Variants in SLC25A16 observed in about 807,000 individuals in gnomAD.
SLC25A16 encodes the protein mitochondrial coenzyme A transporter SLC25A16.
A neutral mutation model predicts 41.5 loss-of-function variants in SLC25A16; 39 were observed. The ratio of observed to expected loss-of-function variants is 0.94; its 90% CI spans 0.73 to 1.23. The LOEUF is 1.23. Among genes scored for constraint, SLC25A16 ranks in the 50% most tolerant of loss-of-function variants. SLC25A16 has a pLI of 0.00. For synonymous variants in SLC25A16, 146 were observed against 147.8 expected (o/e 0.99, Z 0.09); for missense variants, 421 against 426.9 (o/e 0.99, Z 0.12).
Position 68,522,734 on chromosome 10 carries a change from G to C in SLC25A16, c.130+4512C>G, listed in dbSNP as rs528768786. 2.7e-5 allele frequency among the ~76,000 whole-genome samples: 4 copies of C among 148,410 alleles called. No individual in the cohort carries two copies. In the South Asian group the frequency reaches 8.7e-4, roughly 32 times the overall value. ...GGAGGCTGAGGCAGGAGAATCACTT[G>C]AACCTGGGAGCTGGAGGTTGTAGTG... On this transcript the variant is annotated intron_variant, in intron 1 of 8. Transcript: ENST00000609923.
chr10:68,492,358 T>A (rs1323625062), intron 6 of SLC25A16, among the ~76,000 whole-genome samples: 1 of 152,174 alleles, frequency 6.6e-6, no homozygotes, highest in African/African-American at 2.4e-5. Flanking sequence ...TGCCCAATTC[T>A]AGAATTGCAA....
chr10:68,509,749 A>ATC (rs2053026199), intron 2 of SLC25A16, among the ~76,000 whole-genome samples: 2 of 136,636 alleles, frequency 1.5e-5, no homozygotes, highest in African/African-American at 2.7e-5. Flanking sequence ...ATATCTATAT[A>ATC]TATAGATATA....
At chr10:68,509,522 C>G (rs1199073768) in intron 2 of SLC25A16, among the ~76,000 whole-genome samples, 2 of 151,720 alleles carry the variant, frequency 1.3e-5, no homozygotes, top group African/African-American at 4.8e-5. Context: ...TGACACCAAC[C>G]AAGACAACAT....
intron 8 of SLC25A16, among the ~76,000 whole-genome samples, chr10:68,485,498 C>T (rs1234461663): frequency 2.0e-5 from 3 of 152,090 alleles, no homozygotes; most frequent in Non-Finnish European, 4.4e-5. Context: ...AATTCCCTGC[C>T]TCAGCCTCCT....
At chr10:68,515,801 AAAATAAAT>A (rs56896620) in intron 2 of SLC25A16, among the ~76,000 whole-genome samples, 35 of 151,662 alleles carry the variant, frequency 2.3e-4, no homozygotes, top group African/African-American at 7.5e-4. Flanking sequence ...TCTGCCTCAA[AAAATAAAT>A]AAATAAATAA....
chr10:68,520,414 G>A (rs1358481886), intron 1 of SLC25A16, among the ~76,000 whole-genome samples: 1 of 152,114 alleles, frequency 6.6e-6, no homozygotes, highest in African/African-American at 2.4e-5. Flanking sequence ...AATGGCTCAT[G>A]CCTATAATCC....
Position 68,502,705 on chromosome 10 carries a change from T to C in SLC25A16, c.421+927A>G, listed in dbSNP as rs1371927738. Reference sequence around the variant, plus strand: ...TGTGATCACGCCACTGCACTCCAAGTCTGGGAGACAGACCCAGACCCTGTC... The same window carrying C: ...TGTGATCACGCCACTGCACTCCAAGCCTGGGAGACAGACCCAGACCCTGTC... On this transcript the variant is annotated intron_variant, in intron 4 of 8. Coordinates refer to ENST00000609923, the MANE Select transcript of SLC25A16 (RefSeq NM_152707.4). 3.0e-5 allele frequency among the ~76,000 whole-genome samples: 4 copies of C among 135,364 alleles called. No homozygotes were observed. The East Asian group carries it at 8.7e-4, about 29-fold the overall frequency. 88.8% of individuals were successfully genotyped at this position (135,364 alleles called of 152,430 possible). A position where few individuals can be genotyped will look rare whatever the true frequency, so the allele number is the denominator to read the frequency against.
Position 68,486,993 on chromosome 10 carries a change from G to A in SLC25A16, c.842+151C>T, listed in dbSNP as rs142310806. On this transcript the variant is annotated intron_variant, in intron 8 of 8. Transcript: ENST00000609923. ...AAAAAAAAAAAAAAAGAACCTGATT[G>A]CCTGATTGTAATCTTATAAAGTTAC... 535 of 378,134 alleles carry A rather than the reference G, an allele frequency of 1.4e-3. 4 individuals carry two copies. Among genetic ancestry groups the A allele is most frequent in the African/African-American group, 0.011 (489 of 44,230 alleles). The allele number at this position is 378,134 out of a possible 1,614,324, so 23.4% of individuals were successfully genotyped here.
At chr10:68,490,838 C>T (rs550185831) in intron 6 of SLC25A16, among the ~76,000 whole-genome samples, 2 of 151,998 alleles carry the variant, frequency 1.3e-5, no homozygotes, top group African/African-American at 2.4e-5. Flanking sequence ...TTGATGCATT[C>T]GACTACCTTA....
intron 1 of SLC25A16, among the ~76,000 whole-genome samples, chr10:68,525,008 C>T (rs1243587541): frequency 6.6e-6 from 1 of 151,994 alleles, no homozygotes; most frequent in African/African-American, 2.4e-5. Context: ...GATCACGCCA[C>T]TGCACTCCTG....
chr10:68,518,912 G>A (rs1249803553), intron 1 of SLC25A16, among the ~76,000 whole-genome samples: 2 of 152,010 alleles, frequency 1.3e-5, no homozygotes, highest in Non-Finnish European at 2.9e-5. Flanking sequence ...ATAATAGTTG[G>A]CCAGGTATGG....
chr10:68,488,307 A>G (rs1003257361), intron 7 of SLC25A16, among the ~76,000 whole-genome samples, 160 bp downstream of exon 7: 2 of 151,922 alleles, frequency 1.3e-5, no homozygotes, highest in African/African-American at 4.8e-5. Flanking sequence ...ATATGCTTAA[A>G]GTGCACACAC....
intron 6 of SLC25A16, 36 bp from the exon 7 acceptor site, chr10:68,488,665 A>T: frequency 1.3e-6 from 2 of 1,528,422 alleles, no homozygotes; most frequent in Non-Finnish European, 9.0e-7. Flanking sequence ...ATGATGCTTA[A>T]CATAACATGA....
chr10:68,484,883 T>C (rs2052533579), intron 8 of SLC25A16, among the ~76,000 whole-genome samples: 1 of 152,176 alleles, frequency 6.6e-6, no homozygotes, highest in South Asian at 2.1e-4. Context: ...GGAGCTGTGC[T>C]ATACAATCAC....
intron 4 of SLC25A16, among the ~76,000 whole-genome samples, chr10:68,501,969 G>C (rs1354922816): frequency 6.6e-6 from 1 of 152,084 alleles, no homozygotes; most frequent in Non-Finnish European, 1.5e-5. Flanking sequence ...AGGCCAAGGC[G>C]GGTGGATACC....
At chr10:68,524,106 C>G (rs761797540) in intron 1 of SLC25A16, among the ~76,000 whole-genome samples, 5 of 151,852 alleles carry the variant, frequency 3.3e-5, no homozygotes, top group South Asian at 2.1e-4. Context: ...GTCAGGAGAT[C>G]GAGACCATCC....
At chr10:68,526,672 G>T (rs2053343245) in intron 1 of SLC25A16, among the ~76,000 whole-genome samples, 1 of 152,204 alleles carries the variant, frequency 6.6e-6, no homozygotes, top group South Asian at 2.1e-4. Flanking sequence ...GGTGGAGCTT[G>T]AAGGCCCAGG....
chr10:68,494,260 C>G (rs2052710186), intron 4 of SLC25A16, among the ~76,000 whole-genome samples: 1 of 151,448 alleles, frequency 6.6e-6, no homozygotes, highest in African/African-American at 2.4e-5. Context: ...GTCAAGAGAT[C>G]GAGCCGTCCT....
At chr10:68,502,974 G>A (rs190751373) in intron 4 of SLC25A16, among the ~76,000 whole-genome samples, 1 of 144,438 alleles carries the variant, frequency 6.9e-6, no homozygotes. Flanking sequence ...AAAGGAGAGT[G>A]GAGAGGAGAG....
Sources: allele counts gnomAD v4.1 joint callset (sites outside exome capture counted in the v4.1 genomes callset), GRCh38; gene constraint gnomAD v4.1.1; transcripts MANE v1.5; gene names NCBI Gene and HGNC (gene_info 2026-07-23, HGNC 2026-07-21).